KLHL1: variants seen among roughly 807,000 people sequenced by gnomAD.
KLHL1 encodes kelch like family member 1, also known as kelch-like protein 1.
KLHL1 carries 47 observed loss-of-function variants against 77.7 expected under a neutral mutation model. The ratio of observed to expected loss-of-function variants is 0.60; its 90% CI spans 0.48 to 0.77. The LOEUF (loss-of-function observed/expected upper bound fraction) is 0.77, where lower values mean the gene tolerates loss of function less well. Ranked by LOEUF, KLHL1 falls within the 30% of genes least tolerant of loss-of-function variation. KLHL1 has a pLI of 0.00. For missense variants in KLHL1, 925 were observed against 910.8 expected (o/e 1.02, Z -0.20); for synonymous variants, 360 against 325.2 (o/e 1.11, Z -1.15).
intron 5 of KLHL1, among the ~76,000 whole-genome samples, chr13:69,866,688 G>T (rs1880376353): frequency 6.6e-6 from 1 of 151,994 alleles, no homozygotes; most frequent in African/African-American, 2.4e-5. Context: ...TGGGTTTATG[G>T]GTTTATAAAC....
chr13:69,831,596 C>T lies in KLHL1; in HGVS notation c.1414+7380G>A, dbSNP rs117565192. On this transcript the variant is annotated intron_variant, in intron 6 of 10. Transcript: ENST00000377844. ...AGGAGAGAATCCTCTGTAAATCATT[C>T]TATGAAACTGCTATCACCCTAATAC... Among the ~76,000 whole-genome samples the T allele has an allele frequency of 1.4e-3, 209 of 149,962 alleles. 2 individuals carry two copies. The East Asian group carries it at 0.016, about 11-fold the overall frequency.
intron 9 of KLHL1, among the ~76,000 whole-genome samples, chr13:69,718,329 A>G (rs1417259225): frequency 6.6e-6 from 1 of 152,110 alleles, no homozygotes; most frequent in Admixed American, 6.6e-5. Context: ...CTTGCAGTTG[A>G]AATCTTTAAG....
intron 6 of KLHL1, among the ~76,000 whole-genome samples, chr13:69,822,191 C>T (rs1178919537): frequency 2.2e-5 from 3 of 135,738 alleles, no homozygotes; most frequent in East Asian, 2.0e-4. Context: ...GAGGGAGACT[C>T]CATCTCAAAA....
intron 2 of KLHL1, among the ~76,000 whole-genome samples, chr13:69,969,539 A>G (rs1265344143): frequency 6.6e-6 from 1 of 152,152 alleles, no homozygotes; most frequent in Admixed American, 6.6e-5. Context: ...ATATCAACAT[A>G]AAGTTAACCA....
chr13:69,780,392 G>A (rs1876080334), intron 7 of KLHL1, among the ~76,000 whole-genome samples: 1 of 151,842 alleles, frequency 6.6e-6, no homozygotes, highest in Admixed American at 6.6e-5. Flanking sequence ...TATTGTCTTG[G>A]TTTAGTAAGA....
chr13:69,793,860 T>C (rs1876982103), intron 7 of KLHL1, among the ~76,000 whole-genome samples: 1 of 152,162 alleles, frequency 6.6e-6, no homozygotes, highest in African/African-American at 2.4e-5. Context: ...TTTAGAGCAC[T>C]GCCTTGAGAA....
intron 1 of KLHL1, among the ~76,000 whole-genome samples, chr13:70,027,817 A>G (rs1042300957): frequency 6.6e-6 from 1 of 152,110 alleles, no homozygotes. Context: ...CAAGCTGACT[A>G]TAGATAACCT....
intron 1 of KLHL1, among the ~76,000 whole-genome samples, chr13:70,016,805 A>G (rs1321597059): frequency 6.6e-6 from 1 of 152,126 alleles, no homozygotes; most frequent in Non-Finnish European, 1.5e-5. Context: ...TTCTGGGTAG[A>G]GTCTGGGGCC....
intron 1 of KLHL1, among the ~76,000 whole-genome samples, chr13:70,046,900 G>A (rs1271393413): frequency 1.3e-5 from 2 of 152,144 alleles, no homozygotes; most frequent in African/African-American, 4.8e-5. Flanking sequence ...AAATTGTTTT[G>A]CTCGAGATTA....
intron 4 of KLHL1, among the ~76,000 whole-genome samples, chr13:69,915,807 AC>A (rs1223785114): frequency 2.6e-5 from 4 of 152,068 alleles, no homozygotes; most frequent in African/African-American, 9.7e-5. Flanking sequence ...TGAAAAGGCA[AC>A]CTACAAAATG....
chr13:69,736,686 ATATG>A (rs775348942), intron 8 of KLHL1, among the ~76,000 whole-genome samples: 77 of 137,722 alleles, frequency 5.6e-4, no homozygotes, highest in African/African-American at 2.4e-3. Context: ...TGAGATATAT[ATATG>A]TATATATATA....
At chr13:69,770,664 A>G (rs1386324305) in intron 7 of KLHL1, among the ~76,000 whole-genome samples, 1 of 152,236 alleles carries the variant, frequency 6.6e-6, no homozygotes, top group Non-Finnish European at 1.5e-5. Context: ...GTGGAAATGA[A>G]CTGAATGAGA....
At chr13:69,706,276 T>C (rs1324960031) in intron 10 of KLHL1, among the ~76,000 whole-genome samples, 1 of 151,860 alleles carries the variant, frequency 6.6e-6, no homozygotes, top group Non-Finnish European at 1.5e-5. Context: ...TCCTTCTTTT[T>C]ACTTACTTGG....
intron 1 of KLHL1, among the ~76,000 whole-genome samples, chr13:70,052,713 T>C (rs868748082): frequency 5.9e-5 from 9 of 152,020 alleles, no homozygotes; most frequent in African/African-American, 1.9e-4. Context: ...TTGTTCCCTC[T>C]AAAACAGGCT....
chr13:69,784,492 C>G (rs2138012181), intron 7 of KLHL1, among the ~76,000 whole-genome samples: 1 of 152,170 alleles, frequency 6.6e-6, no homozygotes, highest in South Asian at 2.1e-4. Context: ...GGAGAAAGAT[C>G]TACCAAGCAA....
intron 1 of KLHL1, among the ~76,000 whole-genome samples, chr13:70,105,467 G>A (rs903484811): frequency 6.6e-6 from 1 of 151,440 alleles, no homozygotes; most frequent in African/African-American, 2.4e-5. Flanking sequence ...ATATTTCTAG[G>A]AGCTTATTCA....
intron 8 of KLHL1, among the ~76,000 whole-genome samples, chr13:69,722,552 T>C (rs1272232718): frequency 6.6e-6 from 1 of 151,712 alleles, no homozygotes; most frequent in African/African-American, 2.4e-5. Context: ...ATGAATAAAT[T>C]CTCAACAGCA....
At chr13:70,077,407 G>A (rs1462200216) in intron 1 of KLHL1, among the ~76,000 whole-genome samples, 1 of 151,888 alleles carries the variant, frequency 6.6e-6, no homozygotes, top group African/African-American at 2.4e-5. Flanking sequence ...TCTGGAAAAG[G>A]CCAAACTACA....
intron 8 of KLHL1, among the ~76,000 whole-genome samples, chr13:69,738,597 A>G (rs557924660): frequency 2.6e-4 from 40 of 152,248 alleles, no homozygotes; most frequent in Non-Finnish European, 2.8e-4. Flanking sequence ...AGAACTTTAC[A>G]ATGCAAACAC....
Sources: allele counts gnomAD v4.1 joint callset (sites outside exome capture counted in the v4.1 genomes callset), GRCh38; gene constraint gnomAD v4.1.1; transcripts MANE v1.5; gene names NCBI Gene and HGNC (gene_info 2026-07-23, HGNC 2026-07-21).